TPST1: variants seen among roughly 807,000 people sequenced by gnomAD.
TPST1 encodes tyrosylprotein sulfotransferase 1, also known as protein-tyrosine sulfotransferase 1.
In TPST1, 20 loss-of-function variants were observed where a neutral mutation model predicts 34.8. The ratio of observed to expected loss-of-function variants is 0.57; its 90% confidence interval spans 0.40 to 0.84. TPST1 has a LOEUF of 0.84. Ranked by LOEUF, TPST1 falls within the 40% of genes least tolerant of loss-of-function variation. TPST1 has a pLI of 0.00. For missense variants in TPST1, 353 were observed against 455.5 expected, an observed-to-expected ratio of 0.78 and a Z score of 2.05; for synonymous variants, 152 against 159.4, an observed-to-expected ratio of 0.95 and a Z score of 0.35.
At chr7:66,315,181 G>A (rs1046370218) in intron 3 of TPST1, among the ~76,000 whole-genome samples, 2 of 152,180 alleles carry the variant, frequency 1.3e-5, no homozygotes, top group African/African-American at 2.4e-5. Flanking sequence ...GACTTAACAC[G>A]GTGTGGCCAC....
chr7:66,328,886 C>CTCTCTCTT (rs757168858), intron 3 of TPST1, among the ~76,000 whole-genome samples: 1 of 22,094 alleles, frequency 4.5e-5, no homozygotes, highest in Non-Finnish European at 7.4e-5. Flanking sequence ...CTCTCTCTCT[C>CTCTCTCTT]TATATATATA....
intron 2 of TPST1, among the ~76,000 whole-genome samples, chr7:66,275,720 T>G (rs1790795713): frequency 6.6e-6 from 1 of 151,902 alleles, no homozygotes; most frequent in Non-Finnish European, 1.5e-5. Context: ...GGCCTGGAGG[T>G]TAGAGGAGTG....
At chr7:66,350,385 A>C (rs561637375) in intron 3 of TPST1, among the ~76,000 whole-genome samples, 1 of 152,092 alleles carries the variant, frequency 6.6e-6, no homozygotes, top group Admixed American at 6.6e-5. Flanking sequence ...GGGGGAGATG[A>C]TGGTAGCTTT....
At chr7:66,338,960 AAAAC>A (rs758486176) in intron 3 of TPST1, among the ~76,000 whole-genome samples, 4 of 152,200 alleles carry the variant, frequency 2.6e-5, no homozygotes, top group Non-Finnish European at 5.9e-5. Context: ...AGGCATCTAA[AAAAC>A]AAACCAATGT....
intron 3 of TPST1, among the ~76,000 whole-genome samples, chr7:66,310,774 A>C (rs1001499342): frequency 6.6e-6 from 1 of 151,820 alleles, no homozygotes; most frequent in Non-Finnish European, 1.5e-5. Context: ...GCTACTTCTC[A>C]CTTTATTTCT....
chr7:66,307,266 T>A (rs1319142787), intron 3 of TPST1, among the ~76,000 whole-genome samples: 1 of 151,848 alleles, frequency 6.6e-6, no homozygotes. Flanking sequence ...TACAGGCGTC[T>A]GCCACCACGC....
At chr7:66,217,919 G>T (rs918216903) in intron 1 of TPST1, among the ~76,000 whole-genome samples, 1 of 151,322 alleles carries the variant, frequency 6.6e-6, no homozygotes, top group Non-Finnish European at 1.5e-5. Context: ...TGACCCTGTC[G>T]CCCAGGCTGG....
intron 2 of TPST1, among the ~76,000 whole-genome samples, chr7:66,264,509 G>A (rs948083321): frequency 6.6e-6 from 1 of 152,166 alleles, no homozygotes; most frequent in Non-Finnish European, 1.5e-5. Context: ...AGACAGACAG[G>A]TTTTTTGGTT....
chr7:66,312,469 A>G (rs1417008086), intron 3 of TPST1, among the ~76,000 whole-genome samples: 1 of 152,216 alleles, frequency 6.6e-6, no homozygotes, highest in Non-Finnish European at 1.5e-5. Context: ...TTTTTACCCC[A>G]TGCTCTAATT....
In TPST1 at chr7:66,254,092, C is replaced by G. The variant is rs577445740; in HGVS notation, c.845+12822C>G. 5.3e-5 allele frequency among the ~76,000 whole-genome samples: 8 copies of G among 151,746 alleles called. No homozygotes were observed. In the South Asian group the frequency reaches 1.5e-3, roughly 28 times the overall value. On this transcript the variant is annotated intron_variant, in intron 2 of 5. Coordinates refer to ENST00000304842, the MANE Select transcript of TPST1 (RefSeq NM_003596.4). ...TAGTTCTTCTCTAGGAATGTCTAGG[C>G]TGTTTTTAAACCCTTTGGTCCTCCG...
At chr7:66,254,816 G>T (rs926290757) in intron 2 of TPST1, among the ~76,000 whole-genome samples, 1 of 152,174 alleles carries the variant, frequency 6.6e-6, no homozygotes, top group African/African-American at 2.4e-5. Context: ...TTTTGCCTAG[G>T]CTAGGACTTC....
chr7:66,357,929 C>T (rs546851990), intron 5 of TPST1, among the ~76,000 whole-genome samples: 1 of 152,084 alleles, frequency 6.6e-6, no homozygotes, highest in South Asian at 2.1e-4. Context: ...ACTAAAAATA[C>T]AAAAATTAGC....
chr7:66,357,189 C>T (rs531270844), intron 5 of TPST1, among the ~76,000 whole-genome samples: 46 of 152,292 alleles, frequency 3.0e-4, no homozygotes, highest in African/African-American at 1.1e-3. Flanking sequence ...TGAAAGGGAC[C>T]TGGAGGCCAT....
intron 2 of TPST1, among the ~76,000 whole-genome samples, chr7:66,280,627 G>A (rs897296447): frequency 4.6e-5 from 7 of 152,096 alleles, no homozygotes; most frequent in Non-Finnish European, 1.0e-4. Context: ...ACTCTATCTA[G>A]GACTTCCAGT....
At chr7:66,279,652 C>A (rs1790893989) in intron 2 of TPST1, among the ~76,000 whole-genome samples, 1 of 152,126 alleles carries the variant, frequency 6.6e-6, no homozygotes, top group South Asian at 2.1e-4. Context: ...CAGAAACGGT[C>A]TTTGTTTTAA....
At chr7:66,355,691 G>A (rs1176271027) in intron 4 of TPST1, among the ~76,000 whole-genome samples, 1 of 151,758 alleles carries the variant, frequency 6.6e-6, no homozygotes, top group Admixed American at 6.6e-5. Context: ...CTTGAGATTA[G>A]GAGTTCAAGA....
chr7:66,223,744 A>C (rs1219313978), intron 1 of TPST1, among the ~76,000 whole-genome samples: 2 of 152,198 alleles, frequency 1.3e-5, no homozygotes, highest in Admixed American at 1.3e-4. Context: ...TTTCAAACAT[A>C]TCCAAAATAG....
At chr7:66,304,834 T>G (rs1413202944) in intron 3 of TPST1, among the ~76,000 whole-genome samples, 1 of 149,244 alleles carries the variant, frequency 6.7e-6, no homozygotes, top group Non-Finnish European at 1.5e-5. Context: ...TTTTTTTTTT[T>G]CTTGGCAAGG....
At chr7:66,274,732 C>T (rs566842096) in intron 2 of TPST1, among the ~76,000 whole-genome samples, 4 of 151,742 alleles carry the variant, frequency 2.6e-5, no homozygotes, top group South Asian at 2.1e-4. Flanking sequence ...GAACTCAATT[C>T]GGCAAGAAAA....
Sources: gnomAD v4.1 joint callset for allele counts (sites outside exome capture counted in the v4.1 genomes callset) on GRCh38, gnomAD v4.1.1 for gene constraint, MANE v1.5 for transcripts, NCBI Gene and HGNC (gene_info 2026-07-23, HGNC 2026-07-21) for gene names.